The following NSMCE2 variants were observed in gnomAD, a reference collection of about 807,000 sequenced individuals.
NSMCE2 encodes E3 SUMO-protein ligase NSE2.
Under a neutral mutation model 23.8 loss-of-function variants are expected in NSMCE2, and 24 were observed. The observed-to-expected ratio is 1.01, with a 90% confidence interval of 0.73 to 1.42. The LOEUF (loss-of-function observed/expected upper bound fraction) is 1.42, where lower values mean the gene tolerates loss of function less well. Among genes scored for constraint, NSMCE2 ranks in the 40% most tolerant of loss-of-function variants. The pLI is 0.00. For missense variants in NSMCE2, 284 were observed against 296.5 expected, an observed-to-expected ratio of 0.96 and a Z score of 0.31; for synonymous variants, 92 against 94.1, an observed-to-expected ratio of 0.98 and a Z score of 0.13.
At chr8:125,273,918 G>C (rs1455581324) in intron 5 of NSMCE2, among the ~76,000 whole-genome samples, 1 of 152,224 alleles carries the variant, frequency 6.6e-6, no homozygotes, top group Admixed American at 6.5e-5. Flanking sequence ...GCTGGGACCT[G>C]GAGCTAGCAG....
intron 3 of NSMCE2, among the ~76,000 whole-genome samples, chr8:125,119,468 C>A (rs187500301): frequency 6.6e-6 from 1 of 152,110 alleles, no homozygotes; most frequent in African/African-American, 2.4e-5. Flanking sequence ...GCTTTTTTGT[C>A]TTTGGAGCTG....
intron 4 of NSMCE2, among the ~76,000 whole-genome samples, chr8:125,151,733 G>T (rs73704543): frequency 0.094 from 14,295 of 152,190 alleles, 842 homozygotes; most frequent in South Asian, 0.17. Context: ...AAAGAAGATC[G>T]GTATTTTGGT....
intron 5 of NSMCE2, among the ~76,000 whole-genome samples, chr8:125,202,211 A>G (rs1449154801): frequency 6.6e-6 from 1 of 152,210 alleles, no homozygotes; most frequent in Non-Finnish European, 1.5e-5. Flanking sequence ...CTTGCCCTCC[A>G]TGGGCTGCAC....
intron 5 of NSMCE2, among the ~76,000 whole-genome samples, chr8:125,254,719 T>C (rs148139014): frequency 1.9e-4 from 29 of 152,248 alleles, no homozygotes; most frequent in Non-Finnish European, 4.1e-4. Context: ...CTCTTGCTAA[T>C]TGATGTGACT....
chr8:125,166,298 C>T lies in NSMCE2; in HGVS notation c.264+15021C>T, dbSNP rs180878400. ...GTTGTTTTATTTTGAGACAGAGTCTCGCTCTGTCACCAGGCTGGAGTGCAG... is the reference window on the plus strand; with the variant it reads ...GTTGTTTTATTTTGAGACAGAGTCTTGCTCTGTCACCAGGCTGGAGTGCAG... On this transcript the variant is annotated intron_variant, in intron 4 of 7. Transcript: ENST00000287437. 8.8e-4 allele frequency among the ~76,000 whole-genome samples: 134 copies of T among 152,224 alleles called. 1 individual carries two copies. Among genetic ancestry groups the T allele is most frequent in the Admixed American group, 6.0e-3 (92 of 15,294 alleles).
chr8:125,366,855 T>C lies in NSMCE2; in HGVS notation c.714T>C (p.His238=), dbSNP rs780092146. The C allele has an allele frequency of 6.2e-7, 1 of 1,611,224 alleles. No homozygotes were observed. Among genetic ancestry groups the C allele is most frequent in the Non-Finnish European group, 8.5e-7 (1 of 1,177,430 alleles). Residue 238 remains histidine, a synonymous_variant, in exon 8 of 8, where the codon CAT becomes CAC. Coordinates refer to ENST00000287437, the MANE Select transcript of NSMCE2 (RefSeq NM_173685.4). ...DEALRRAIEN[H]NKKRHRHSE ...CACTTAGAAGGGCAATTGAGAACCA[T>C]AACAAGAAAAGACATCGTCATTCCG... is the stretch of plus-strand genomic sequence containing the variant.
At chr8:125,247,902 A>G (rs1826056659) in intron 5 of NSMCE2, among the ~76,000 whole-genome samples, 1 of 152,168 alleles carries the variant, frequency 6.6e-6, no homozygotes, top group Non-Finnish European at 1.5e-5. Context: ...TGGTGAACTA[A>G]AGTGACCACT....
At chr8:125,218,795 A>G (rs1343133986) in intron 5 of NSMCE2, among the ~76,000 whole-genome samples, 1 of 152,208 alleles carries the variant, frequency 6.6e-6, no homozygotes, top group East Asian at 1.9e-4. Context: ...TTTCGCAACA[A>G]CATGAATAAA....
chr8:125,268,342 C>T (rs1827030809), intron 5 of NSMCE2, among the ~76,000 whole-genome samples: 1 of 151,944 alleles, frequency 6.6e-6, no homozygotes, highest in Admixed American at 6.6e-5. Context: ...GACATTGTCA[C>T]TGGCACTTCT....
intron 7 of NSMCE2, among the ~76,000 whole-genome samples, chr8:125,359,202 G>A (rs1371177458): frequency 6.7e-6 from 1 of 149,810 alleles, no homozygotes; most frequent in Non-Finnish European, 1.5e-5. Flanking sequence ...GGGAGGCGGA[G>A]CTTGCAGTGA....
chr8:125,358,413 T>C (rs937502452), intron 7 of NSMCE2, among the ~76,000 whole-genome samples: 1 of 150,942 alleles, frequency 6.6e-6, no homozygotes, highest in African/African-American at 2.4e-5. Flanking sequence ...TTTTGCAGAA[T>C]CTTTATAAAT....
intron 5 of NSMCE2, among the ~76,000 whole-genome samples, chr8:125,227,121 T>C (rs1825129071): frequency 6.6e-6 from 1 of 152,184 alleles, no homozygotes. Context: ...ACCAGACTTT[T>C]CAGGTTCCTT....
chr8:125,154,296 C>G (rs1367359894), intron 4 of NSMCE2, among the ~76,000 whole-genome samples: 2 of 152,098 alleles, frequency 1.3e-5, no homozygotes, highest in Non-Finnish European at 2.9e-5. Flanking sequence ...TCTCAGAATT[C>G]TAAAGATTAT....
At chr8:125,315,995 C>T (rs541592527) in intron 5 of NSMCE2, among the ~76,000 whole-genome samples, 2 of 152,134 alleles carry the variant, frequency 1.3e-5, no homozygotes, top group Non-Finnish European at 2.9e-5. Context: ...TTAGCAGAGA[C>T]GAGCTCTCAC....
At chr8:125,191,533 A>G (rs894636224) in intron 5 of NSMCE2, among the ~76,000 whole-genome samples, 18 of 152,190 alleles carry the variant, frequency 1.2e-4, no homozygotes, top group Admixed American at 9.8e-4. Flanking sequence ...TCTAGCTGAG[A>G]GAGAATCTTT....
chr8:125,334,473 G>A (rs754370023), intron 5 of NSMCE2, among the ~76,000 whole-genome samples: 9 of 152,148 alleles, frequency 5.9e-5, no homozygotes, highest in Non-Finnish European at 8.8e-5. Context: ...CCCATTCTGC[G>A]CCCCTGGCTT....
intron 3 of NSMCE2, among the ~76,000 whole-genome samples, chr8:125,128,865 C>G (rs143725805): frequency 6.6e-6 from 1 of 152,280 alleles, no homozygotes; most frequent in East Asian, 1.9e-4. Context: ...CCAGATAAGC[C>G]TGGATTCTCT....
chr8:125,289,064 A>G (rs1044944407), intron 5 of NSMCE2, among the ~76,000 whole-genome samples: 1 of 152,176 alleles, frequency 6.6e-6, no homozygotes, highest in African/African-American at 2.4e-5. Context: ...GCTGGGATTT[A>G]CAGGCATGTG....
chr8:125,224,649 C>A (rs1399880400), intron 5 of NSMCE2, among the ~76,000 whole-genome samples: 1 of 152,088 alleles, frequency 6.6e-6, no homozygotes, highest in Non-Finnish European at 1.5e-5. Flanking sequence ...CTATTCTGTT[C>A]CAGTGGTTGG....
Sources: gnomAD v4.1 joint callset for allele counts (sites outside exome capture counted in the v4.1 genomes callset) on GRCh38, gnomAD v4.1.1 for gene constraint, MANE v1.5 for transcripts, NCBI Gene and HGNC (gene_info 2026-07-23, HGNC 2026-07-21) for gene names.